DDX4: variants seen among roughly 807,000 people sequenced by gnomAD.
The protein encoded by DDX4 is DEAD-box helicase 4, also known as probable ATP-dependent RNA helicase DDX4.
In DDX4, 25 loss-of-function variants were observed where a neutral mutation model predicts 100.0. The observed-to-expected ratio is 0.25, with a 90% CI of 0.18 to 0.35. The LOEUF (loss-of-function observed/expected upper bound fraction) is 0.35. DDX4 is among the 10% of genes least tolerant of loss of function. DDX4 has a pLI of 1.00. For synonymous variants in DDX4, 259 were observed against 275.7 expected (o/e 0.94, Z 0.60); for missense variants, 635 against 882.4 (o/e 0.72, Z 3.55).
At chr5:55,765,827 C>T (rs553160960) in intron 6 of DDX4, among the ~76,000 whole-genome samples, 10 of 152,230 alleles carry the variant, frequency 6.6e-5, no homozygotes, top group African/African-American at 1.7e-4. Context: ...TTTTTCGAGA[C>T]GGAGTCTCGC....
chr5:55,809,987 A>T (rs1399707279), intron 18 of DDX4, among the ~76,000 whole-genome samples: 2 of 152,116 alleles, frequency 1.3e-5, no homozygotes, highest in Non-Finnish European at 2.9e-5. Context: ...TATACTTTGG[A>T]TGGTGAGAGA....
chr5:55,785,971 C>T (rs1385637510), intron 13 of DDX4, 100 bp downstream of exon 13: 10 of 768,620 alleles, frequency 1.3e-5, no homozygotes, highest in Non-Finnish European at 4.3e-6. Flanking sequence ...TAGATTTCAC[C>T]TTTCGTATAT....
chr5:55,801,285 G>A (rs547939703), intron 18 of DDX4, among the ~76,000 whole-genome samples: 4 of 151,342 alleles, frequency 2.6e-5, no homozygotes, highest in African/African-American at 7.3e-5. Context: ...TAGTGTTACG[G>A]TATTTTATGT....
chr5:55,743,966 CA>C (rs1759120686), intron 2 of DDX4, among the ~76,000 whole-genome samples: 1 of 130,216 alleles, frequency 7.7e-6, no homozygotes, highest in Admixed American at 8.7e-5. Context: ...GCCTTACAAA[CA>C]AGAAAAAAGT....
chr5:55,762,507 T>A (rs906831523), intron 4 of DDX4, among the ~76,000 whole-genome samples: 1 of 152,100 alleles, frequency 6.6e-6, no homozygotes, highest in Non-Finnish European at 1.5e-5. Context: ...AATAAGAAAG[T>A]AGGGAATGCC....
In DDX4 at chr5:55,816,832, G is replaced by T. The variant is rs958159361; in HGVS notation, c.*292G>T. ...GCTTAGACATGTTTAATGTTTAAAT[G>T]CCAAGTCTTACTATAGTGTTTATTG... On this transcript the variant is annotated 3_prime_UTR_variant, in exon 22 of 22. Transcript: ENST00000505374. 3.2e-6 allele frequency: 1 copy of T among 316,442 alleles called. No homozygotes were observed. Among genetic ancestry groups the T allele is most frequent in the Non-Finnish European group, 5.6e-6 (1 of 178,268 alleles). 19.6% of individuals were successfully genotyped at this position (316,442 alleles called of 1,614,324 possible). A position where few individuals can be genotyped will look rare whatever the true frequency, so the allele number is the denominator to read the frequency against.
At chr5:55,778,874 A>G (rs1741732399) in intron 7 of DDX4, among the ~76,000 whole-genome samples, 2 of 137,348 alleles carry the variant, frequency 1.5e-5, no homozygotes, top group African/African-American at 5.6e-5. Flanking sequence ...AACCTGGGTG[A>G]CAGAGTGAGA....
At chr5:55,793,190 T>C (rs1228015113) in intron 17 of DDX4, among the ~76,000 whole-genome samples, 2 of 152,138 alleles carry the variant, frequency 1.3e-5, no homozygotes, top group East Asian at 1.9e-4. Flanking sequence ...GAGGCTTTGG[T>C]AGAAAATTCA....
intron 4 of DDX4, among the ~76,000 whole-genome samples, chr5:55,761,368 G>C (rs1403844267): frequency 6.6e-6 from 1 of 151,960 alleles, no homozygotes; most frequent in Non-Finnish European, 1.5e-5. Flanking sequence ...GTGATATTTT[G>C]ATACAGGCTT....
At chr5:55,772,150 G>A (rs1242378551) in intron 7 of DDX4, among the ~76,000 whole-genome samples, 2 of 152,190 alleles carry the variant, frequency 1.3e-5, no homozygotes, top group East Asian at 1.9e-4. Flanking sequence ...GGCAGAGGTT[G>A]CAGTGAGCTG....
intron 18 of DDX4, among the ~76,000 whole-genome samples, chr5:55,801,823 A>G (rs779276425): frequency 2.6e-5 from 4 of 152,304 alleles, no homozygotes; most frequent in Middle Eastern, 3.4e-3. Flanking sequence ...ATTATTTGCT[A>G]TCTAAGGGAT....
intron 7 of DDX4, among the ~76,000 whole-genome samples, chr5:55,776,583 T>G (rs945130672): frequency 6.6e-6 from 1 of 152,230 alleles, no homozygotes; most frequent in Non-Finnish European, 1.5e-5. Context: ...CAGAATTTTC[T>G]TCAGTAAAGG....
At chr5:55,752,620 C>T (rs993606428) in intron 3 of DDX4, among the ~76,000 whole-genome samples, 5 of 147,674 alleles carry the variant, frequency 3.4e-5, no homozygotes, top group Admixed American at 1.4e-4. Flanking sequence ...TCTTTGCTGT[C>T]GTGAGTAATG....
chr5:55,768,704 A>G (rs1246363447), intron 7 of DDX4, among the ~76,000 whole-genome samples: 7 of 152,156 alleles, frequency 4.6e-5, no homozygotes, highest in Non-Finnish European at 1.0e-4. Flanking sequence ...AAATCGCCAC[A>G]CTGTTTTCCA....
chr5:55,802,797 G>C (rs965450729), intron 18 of DDX4, among the ~76,000 whole-genome samples: 6 of 152,140 alleles, frequency 3.9e-5, no homozygotes, highest in African/African-American at 1.4e-4. Flanking sequence ...ACCGGTAATT[G>C]TTAAATATTG....
intron 17 of DDX4, among the ~76,000 whole-genome samples, chr5:55,795,068 C>T (rs1235365305): frequency 1.3e-4 from 19 of 151,702 alleles, no homozygotes; most frequent in East Asian, 9.7e-4. Context: ...AGGGTTCAAG[C>T]GACTCTCCTC....
intron 13 of DDX4, 63 bp from the exon 14 acceptor site, chr5:55,786,454 AT>A: frequency 7.7e-7 from 1 of 1,307,150 alleles, no homozygotes. Context: ...CGAATGAAAT[AT>A]GCTTATAAAT....
intron 17 of DDX4, among the ~76,000 whole-genome samples, chr5:55,798,005 CTAA>C (rs1381232281): frequency 6.6e-6 from 1 of 152,162 alleles, no homozygotes; most frequent in East Asian, 1.9e-4. Flanking sequence ...CAGAAAACAA[CTAA>C]TAATAGCATA....
intron 17 of DDX4, among the ~76,000 whole-genome samples, chr5:55,795,034 C>T (rs1010345920): frequency 2.0e-5 from 3 of 150,682 alleles, no homozygotes; most frequent in Admixed American, 6.6e-5. Context: ...GGCACGATCT[C>T]GGCTCACCGC....
Sources: allele counts gnomAD v4.1 joint callset (sites outside exome capture counted in the v4.1 genomes callset), GRCh38; gene constraint gnomAD v4.1.1; transcripts MANE v1.5; gene names NCBI Gene and HGNC (gene_info 2026-07-23, HGNC 2026-07-21).